VPS13A: variants seen among roughly 807,000 people sequenced by gnomAD.
VPS13A encodes the protein vacuolar protein sorting 13 homolog A, also known as intermembrane lipid transfer protein VPS13A.
In VPS13A, 264 loss-of-function variants were observed where a neutral mutation model predicts 390.9. The ratio of observed to expected loss-of-function variants is 0.68; its 90% CI spans 0.61 to 0.75. The LOEUF is 0.75. Ranked by LOEUF, VPS13A falls within the 30% of genes least tolerant of loss-of-function variation. VPS13A has a pLI of 0.00. For missense variants in VPS13A, 3,409 were observed against 3,733.9 expected (o/e 0.91, Z 2.27); for synonymous variants, 1,231 against 1,227.1 (o/e 1.00, Z -0.07).
At chr9:77,201,546 G>T in intron 3 of VPS13A, 139 bp downstream of exon 3, 1 of 811,066 alleles carries the variant, frequency 1.2e-6, no homozygotes, top group Non-Finnish European at 2.1e-6. Context: ...TCTCAGTAGA[G>T]CTTTGTTGTG....
intron 71 of VPS13A, among the ~76,000 whole-genome samples, chr9:77,408,222 T>C (rs970455530): frequency 2.6e-5 from 4 of 152,220 alleles, no homozygotes; most frequent in African/African-American, 7.2e-5. Context: ...AGACTATGAA[T>C]TGACTGTCTG....
chr9:77,333,273 C>T (rs1399643141), intron 46 of VPS13A, among the ~76,000 whole-genome samples: 2 of 152,118 alleles, frequency 1.3e-5, no homozygotes, highest in East Asian at 3.9e-4. Context: ...TATACTTTTT[C>T]CAAGGCTGAA....
At chr9:77,380,615 C>A (rs1265165377) in intron 67 of VPS13A, among the ~76,000 whole-genome samples, 1 of 152,158 alleles carries the variant, frequency 6.6e-6, no homozygotes, top group Non-Finnish European at 1.5e-5. Flanking sequence ...CGGCCCTATT[C>A]TGTTTTCAGT....
intron 71 of VPS13A, among the ~76,000 whole-genome samples, chr9:77,411,520 G>A (rs549815709): frequency 1.2e-4 from 18 of 151,890 alleles, no homozygotes; most frequent in African/African-American, 1.4e-4. Context: ...AAAATTAGCC[G>A]GGCGAGGTGG....
intron 46 of VPS13A, 91 bp downstream of exon 46, chr9:77,332,204 C>T: frequency 1.0e-6 from 1 of 968,184 alleles, no homozygotes; most frequent in Admixed American, 1.7e-5. Flanking sequence ...TCAAATCCAT[C>T]CTGCTAATAG....
Position 77,356,771 on chromosome 9 carries a change from T to C in VPS13A, c.7710T>C (p.Ser2570=), listed in dbSNP as rs774121165. ...PKKKARWKPM[S]VKHTEKLERE... is the part of the protein sequence containing the mutation. ...AGAAGGCAAGATGGAAGCCAATGAG[T>C]GTAAAGCACACTGAGAAGTTAGAGA... Residue 2570 remains serine, a synonymous_variant, in exon 55 of 72, where the codon AGT becomes AGC. Coordinates refer to ENST00000360280, the MANE Select transcript of VPS13A (RefSeq NM_033305.3). The C allele has an allele frequency of 3.7e-6, 6 of 1,613,718 alleles. No individual in the cohort carries two copies. Among genetic ancestry groups the C allele is most frequent in the Non-Finnish European group, 5.1e-6 (6 of 1,179,836 alleles).
At chr9:77,339,484 ATTTTG>A (rs774896571) in intron 47 of VPS13A, 27 bp from the exon 48 acceptor site, 64 of 1,397,564 alleles carry the variant, frequency 4.6e-5, no homozygotes, top group African/African-American at 6.1e-5. Flanking sequence ...AACATTTTAA[ATTTTG>A]TTTTGTTTTT....
At chr9:77,257,263 C>T (rs1381329468) in intron 22 of VPS13A, among the ~76,000 whole-genome samples, 1 of 152,070 alleles carries the variant, frequency 6.6e-6, no homozygotes, top group South Asian at 2.1e-4. Flanking sequence ...TAGACAGGGT[C>T]TTGTTCTGTC....
intron 68 of VPS13A, 116 bp downstream of exon 68, chr9:77,382,203 A>G (rs1397024758): frequency 5.3e-5 from 72 of 1,357,094 alleles, no homozygotes; most frequent in Non-Finnish European, 6.7e-5. Context: ...GCTTAATTCC[A>G]CTTATAAGTT....
chr9:77,273,307 TCA>T lies in VPS13A; in HGVS notation c.2458_2459del (p.Gln820AspfsTer16). 1 of 1,612,094 alleles carries T rather than the reference TCA, an allele frequency of 6.2e-7. No homozygotes were observed. The highest frequency in any genetic ancestry group is 8.5e-7 in the Non-Finnish European group (1 of 1,178,994). ...QIQTSTSLGT[S>X]QISQKIIPLL... ...TCAAACATCTACTTCTTTGGGAACA[TCA>T]CAGATTTCACAGAAAATAATTCCTC... On this transcript the variant is annotated frameshift_variant, in exon 24 of 72. Transcript: ENST00000360280. LOFTEE classifies it high-confidence loss of function.
chr9:77,317,494 A>T, intron 39 of VPS13A, 112 bp from the exon 40 acceptor site: 1 of 741,324 alleles, frequency 1.3e-6, no homozygotes, highest in Admixed American at 2.6e-5. Flanking sequence ...CTTTTTAAAT[A>T]GTTGTTTTTA....
In VPS13A at chr9:77,177,616, A is replaced by C; in HGVS notation, c.-89A>C. 1 of 1,264,994 alleles carries C rather than the reference A, an allele frequency of 7.9e-7. No homozygotes were observed. 78.4% of individuals were successfully genotyped at this position (1,264,994 alleles called of 1,614,324 possible). A position where few individuals can be genotyped will look rare whatever the true frequency, so the allele number is the denominator to read the frequency against. Reference sequence around the variant, plus strand: ...AGCTGAAGCCGCCCCGGAGCCGGTGAACCGAATTACCTCGAGGGAGGGGCG... The same window carrying C: ...AGCTGAAGCCGCCCCGGAGCCGGTGCACCGAATTACCTCGAGGGAGGGGCG... On this transcript the variant is annotated 5_prime_UTR_variant, in exon 1 of 72. Coordinates refer to ENST00000360280, the MANE Select transcript of VPS13A (RefSeq NM_033305.3).
At chr9:77,222,263 A>C (rs1430641685) in intron 13 of VPS13A, among the ~76,000 whole-genome samples, 1 of 152,104 alleles carries the variant, frequency 6.6e-6, no homozygotes, top group Non-Finnish European at 1.5e-5. Flanking sequence ...TTGAATCATA[A>C]CCTGAGTCCT....
intron 50 of VPS13A, among the ~76,000 whole-genome samples, chr9:77,343,532 C>A (rs1472786968): frequency 6.6e-6 from 1 of 152,144 alleles, no homozygotes; most frequent in Non-Finnish European, 1.5e-5. Flanking sequence ...TCTTTTAGCT[C>A]TGTTTCCAGA....
intron 63 of VPS13A, among the ~76,000 whole-genome samples, chr9:77,370,056 T>A (rs1318777680): frequency 6.6e-6 from 1 of 152,242 alleles, no homozygotes; most frequent in East Asian, 1.9e-4. Flanking sequence ...GGTCAGCGTC[T>A]AACATTATAT....
At chr9:77,212,840 G>T in intron 7 of VPS13A, 129 bp from the exon 8 acceptor site, 2 of 925,090 alleles carry the variant, frequency 2.2e-6, no homozygotes, top group Non-Finnish European at 3.4e-6. Flanking sequence ...TTTTTTGATG[G>T]AGTGATATGT....
chr9:77,342,568 T>G (rs1000316162), intron 50 of VPS13A, among the ~76,000 whole-genome samples: 1 of 152,186 alleles, frequency 6.6e-6, no homozygotes, highest in African/African-American at 2.4e-5. Context: ...TGGTCCAATA[T>G]GTACAAGTTT....
chr9:77,399,200 A>C (rs1587719697), intron 68 of VPS13A, among the ~76,000 whole-genome samples: 9 of 93,824 alleles, frequency 9.6e-5, no homozygotes, highest in African/African-American at 2.0e-4. Context: ...AAAAAAAAAA[A>C]AAAAACAAAG....
intron 23 of VPS13A, among the ~76,000 whole-genome samples, chr9:77,263,044 C>T (rs2131300603): frequency 1.3e-5 from 2 of 152,294 alleles, no homozygotes; most frequent in South Asian, 4.1e-4. Flanking sequence ...ATTTACACTC[C>T]CACCAGCAGT....
Sources: allele counts gnomAD v4.1 joint callset (sites outside exome capture counted in the v4.1 genomes callset), GRCh38; gene constraint gnomAD v4.1.1; transcripts MANE v1.5; gene names NCBI Gene and HGNC (gene_info 2026-07-23, HGNC 2026-07-21).